SH3RF1: variants seen among roughly 807,000 people sequenced by gnomAD.
SH3RF1 encodes E3 ubiquitin-protein ligase SH3RF1.
A neutral mutation model predicts 74.0 loss-of-function variants in SH3RF1; 32 were observed. That is an observed-to-expected ratio of 0.43 (90% CI 0.33 to 0.58). The LOEUF (loss-of-function observed/expected upper bound fraction) is 0.58. SH3RF1 is among the 20% of genes least tolerant of loss of function. The pLI is 0.05. For missense variants in SH3RF1, 954 were observed against 1,130.9 expected, an observed-to-expected ratio of 0.84 and a Z score of 2.24; for synonymous variants, 396 against 439.6, an observed-to-expected ratio of 0.90 and a Z score of 1.24.
At chr4:169,235,946 G>T (rs1482196677) in intron 2 of SH3RF1, among the ~76,000 whole-genome samples, 1 of 152,222 alleles carries the variant, frequency 6.6e-6, no homozygotes, top group Non-Finnish European at 1.5e-5. Flanking sequence ...CTCCCAAAGT[G>T]CTGGGATTAT....
chr4:169,160,997 T>C (rs1579113201), intron 2 of SH3RF1, among the ~76,000 whole-genome samples: 2 of 152,250 alleles, frequency 1.3e-5, no homozygotes, highest in Admixed American at 6.5e-5. Context: ...CTGGGCCCTC[T>C]GCCCTCCAAG....
chr4:169,129,734 G>T (rs1232376764), intron 6 of SH3RF1, among the ~76,000 whole-genome samples: 1 of 152,150 alleles, frequency 6.6e-6, no homozygotes, highest in African/African-American at 2.4e-5. Flanking sequence ...AAATAAGCAG[G>T]ATCTAGAAAC....
chr4:169,212,426 T>C (rs1291028980), intron 2 of SH3RF1, among the ~76,000 whole-genome samples: 1 of 152,204 alleles, frequency 6.6e-6, no homozygotes, highest in Non-Finnish European at 1.5e-5. Context: ...AAAGTAAAAC[T>C]TTCTGGCTTG....
chr4:169,106,792 G>T, intron 11 of SH3RF1, 55 bp downstream of exon 11: 2 of 1,353,104 alleles, frequency 1.5e-6, no homozygotes, highest in South Asian at 2.9e-5. Flanking sequence ...TAATGTTCCA[G>T]CCTAAAGCCT....
intron 2 of SH3RF1, among the ~76,000 whole-genome samples, chr4:169,263,773 C>T (rs1287580646): frequency 6.6e-6 from 1 of 152,178 alleles, no homozygotes; most frequent in Non-Finnish European, 1.5e-5. Context: ...CAGATCAATC[C>T]AATTTGTCAG....
At chr4:169,186,234 T>TG (rs1253466108) in intron 2 of SH3RF1, among the ~76,000 whole-genome samples, 1 of 152,160 alleles carries the variant, frequency 6.6e-6, no homozygotes, top group Non-Finnish European at 1.5e-5. Context: ...GGAAAATGCC[T>TG]GGACTTATTG....
intron 8 of SH3RF1, 114 bp from the exon 9 acceptor site, chr4:169,117,896 T>C (rs1005933574): frequency 2.0e-5 from 25 of 1,241,244 alleles, no homozygotes; most frequent in Non-Finnish European, 2.8e-5. Flanking sequence ...TTTTAAAAAA[T>C]GAATGGAATT....
chr4:169,192,776 T>C (rs1216489026), intron 2 of SH3RF1, among the ~76,000 whole-genome samples: 1 of 148,518 alleles, frequency 6.7e-6, no homozygotes, highest in African/African-American at 2.5e-5. Flanking sequence ...GTTTCATATA[T>C]ATATACATAT....
At chr4:169,256,420 C>A (rs529490589) in intron 2 of SH3RF1, among the ~76,000 whole-genome samples, 1 of 152,154 alleles carries the variant, frequency 6.6e-6, no homozygotes, top group Non-Finnish European at 1.5e-5. Flanking sequence ...CAGTGTCACA[C>A]TATAGTCGTA....
chr4:169,136,423 G>A lies in SH3RF1; in HGVS notation c.963C>T (p.Arg321=), dbSNP rs201900968. 4.9e-3 allele frequency: 7,795 copies of A among 1,606,924 alleles called. 31 individuals are homozygous for A. Among genetic ancestry groups the A allele is most frequent in the Non-Finnish European group, 6.1e-3 (7,163 of 1,175,668 alleles). The change falls in exon 5 of 12, where the codon CGC becomes CGT. Residue 321 remains arginine, a synonymous_variant. Transcript: ENST00000284637. The stretch of plus-strand genomic sequence containing the variant: ...CAGGGGGGCTGATCTCCATGGAGTG[G>A]CGGTTCTGGGATGCCTGGGAGGACT... The part of the protein sequence containing the change: ...ANKSSQASQN[R]HSMEISPPVL...
chr4:169,157,999 A>C (rs188391989), intron 2 of SH3RF1, among the ~76,000 whole-genome samples: 2 of 152,224 alleles, frequency 1.3e-5, no homozygotes, highest in African/African-American at 2.4e-5. Flanking sequence ...TTGGCCTCCC[A>C]AAGTGCTGGG....
chr4:169,201,207 A>C (rs1162776569), intron 2 of SH3RF1, among the ~76,000 whole-genome samples: 2 of 152,184 alleles, frequency 1.3e-5, no homozygotes, highest in Non-Finnish European at 2.9e-5. Flanking sequence ...TGAAATTTGG[A>C]ATTAAAGTTT....
intron 5 of SH3RF1, among the ~76,000 whole-genome samples, chr4:169,135,478 A>C (rs1220231337): frequency 6.6e-6 from 1 of 152,178 alleles, no homozygotes; most frequent in African/African-American, 2.4e-5. Flanking sequence ...TTTGAACTAG[A>C]TTCTTTGACC....
At chr4:169,222,418 T>C (rs143021993) in intron 2 of SH3RF1, among the ~76,000 whole-genome samples, 3,277 of 151,802 alleles carry the variant, frequency 0.022, 130 homozygotes, top group African/African-American at 0.075. Context: ...TGAACTGAGA[T>C]TGCACCACTA....
At chr4:169,102,119 C>G (rs1416615267) in intron 11 of SH3RF1, among the ~76,000 whole-genome samples, 1 of 152,156 alleles carries the variant, frequency 6.6e-6, no homozygotes, top group Non-Finnish European at 1.5e-5. Flanking sequence ...TCACTCTGAC[C>G]TGGGTGAGTA....
At chr4:169,098,476 C>T (rs1002292211) in intron 11 of SH3RF1, among the ~76,000 whole-genome samples, 2 of 152,174 alleles carry the variant, frequency 1.3e-5, no homozygotes, top group Admixed American at 6.5e-5. Context: ...AGAAAGACCA[C>T]AGCAAGAGTC....
At chr4:169,166,170 A>G (rs1734239453) in intron 2 of SH3RF1, 1 of 151,554 alleles carries the variant, frequency 6.6e-6, no homozygotes, top group Admixed American at 6.6e-5. Flanking sequence ...ATTGGGAAAT[A>G]TATATATATA....
intron 4 of SH3RF1, among the ~76,000 whole-genome samples, chr4:169,142,522 T>C (rs1012881264): frequency 1.3e-5 from 2 of 152,256 alleles, no homozygotes; most frequent in Non-Finnish European, 2.9e-5. Flanking sequence ...GTGAACCATA[T>C]GCCCATCTGG....
At chr4:169,242,350 T>C (rs1029584054) in intron 2 of SH3RF1, among the ~76,000 whole-genome samples, 1 of 152,230 alleles carries the variant, frequency 6.6e-6, no homozygotes, top group African/African-American at 2.4e-5. Context: ...TCAAGCAATG[T>C]TTTTAAAATG....
Sources: gnomAD v4.1 joint callset for allele counts (sites outside exome capture counted in the v4.1 genomes callset) on GRCh38, gnomAD v4.1.1 for gene constraint, MANE v1.5 for transcripts, NCBI Gene and HGNC (gene_info 2026-07-23, HGNC 2026-07-21) for gene names.